The following ZNF577 variants were observed in gnomAD, a reference collection of about 807,000 sequenced individuals.
ZNF577 encodes zinc finger protein 577.
In ZNF577, 14 loss-of-function variants were observed where a neutral mutation model predicts 13.9. The ratio of observed to expected loss-of-function variants is 1.00; its 90% confidence interval spans 0.66 to 1.57. ZNF577 has a LOEUF of 1.57. Among genes scored for constraint, ZNF577 ranks in the 40% most tolerant of loss-of-function variants. The probability of loss-of-function intolerance (pLI) is 0.00; values close to 1 mark genes in which losing one functional copy is unlikely to be tolerated. For missense variants in ZNF577, 555 were observed against 579.2 expected, an observed-to-expected ratio of 0.96 and a Z score of 0.43; for synonymous variants, 203 against 202.9, an observed-to-expected ratio of 1.00 and a Z score of 0.00.
rs2084206637 is a variant in ZNF577, at chr19:51,823,606, A to G, written c.*600-11932T>C. On this transcript the variant is annotated intron_variant and NMD_transcript_variant, in intron 9 of 10. Coordinates refer to the ZNF577 transcript ENST00000638827. ...GGAACTCCGAGAGAGTGCCAATTTT[A>G]TGTTATAACCATTCACAAGGCTCAC... The G allele has an allele frequency of 4.3e-6, 3 of 691,858 alleles. No homozygotes were observed. The East Asian group carries it at 8.2e-5, about 19-fold the overall frequency. 42.9% of individuals were successfully genotyped at this position (691,858 alleles called of 1,614,324 possible).
In ZNF577 at chr19:51,867,365, A is replaced by C. The variant is rs373622799; in HGVS notation, c.*5167T>G. 6.6e-6 allele frequency among the ~76,000 whole-genome samples: 1 copy of C among 152,190 alleles called. No individual in the cohort carries two copies. Among genetic ancestry groups the C allele is most frequent in the African/African-American group, 2.4e-5 (1 of 41,452 alleles). On this transcript the variant is annotated 3_prime_UTR_variant, in exon 6 of 6. Coordinates refer to ENST00000638348, the MANE Select transcript of ZNF577 (RefSeq NM_001370449.1). ...TAGATATTGTCTTTTCTGATTCTGAACATCGGACAAAAGATCTCTTTTCAA... is the reference window on the plus strand; with the variant it reads ...TAGATATTGTCTTTTCTGATTCTGACCATCGGACAAAAGATCTCTTTTCAA...
At chr19:51,881,661 T>C (rs909336645) in intron 1 of ZNF577, among the ~76,000 whole-genome samples, 1 of 152,130 alleles carries the variant, frequency 6.6e-6, no homozygotes, top group Admixed American at 6.5e-5. Flanking sequence ...CTACCCACTT[T>C]TAGAACTTTA....
At chr19:51,844,087 C>T (rs1330000434) in intron 6 of ZNF577, among the ~76,000 whole-genome samples, 3 of 140,888 alleles carry the variant, frequency 2.1e-5, no homozygotes, top group Non-Finnish European at 3.0e-5. Flanking sequence ...AAGTAAGTTA[C>T]GGTCAGAATT....
chr19:51,870,062 G>C lies in ZNF577; in HGVS notation c.*2470C>G, dbSNP rs566733252. ...TCCCTGGGAGGATTAACATCCTAGG[G>C]GCATTGGGTCCAGTGCGTAGACTGA... On this transcript the variant is annotated 3_prime_UTR_variant, in exon 6 of 6. Coordinates refer to ENST00000638348, the MANE Select transcript of ZNF577 (RefSeq NM_001370449.1). 3.3e-5 allele frequency among the ~76,000 whole-genome samples: 5 copies of C among 152,186 alleles called. No homozygotes were observed. The highest frequency in any genetic ancestry group is 7.3e-5 in the Non-Finnish European group (5 of 68,038).
At chr19:51,884,381 T>TA (rs2084910492) in intron 1 of ZNF577, among the ~76,000 whole-genome samples, 1 of 152,198 alleles carries the variant, frequency 6.6e-6, no homozygotes, top group African/African-American at 2.4e-5. Flanking sequence ...GTCTCCAGAC[T>TA]AAAACAAAAG....
chr19:51,830,889 T>A (rs2084257886), intron 9 of ZNF577, among the ~76,000 whole-genome samples: 1 of 152,080 alleles, frequency 6.6e-6, no homozygotes, highest in South Asian at 2.1e-4. Context: ...TAAACATCCA[T>A]CATAATCCAC....
chr19:51,833,059 T>G (rs1219848030), intron 9 of ZNF577, among the ~76,000 whole-genome samples: 1 of 152,246 alleles, frequency 6.6e-6, no homozygotes, highest in African/African-American at 2.4e-5. Flanking sequence ...TCACATTGAA[T>G]CTATGGATTT....
At chr19:51,812,578 C>G (rs942050090) in intron 9 of ZNF577, among the ~76,000 whole-genome samples, 1 of 152,222 alleles carries the variant, frequency 6.6e-6, no homozygotes, top group African/African-American at 2.4e-5. Context: ...TTGCCTCCAC[C>G]TCTGAAGAAA....
At chr19:51,881,374 A>G (rs1568450609) in intron 1 of ZNF577, among the ~76,000 whole-genome samples, 2 of 151,962 alleles carry the variant, frequency 1.3e-5, no homozygotes, top group South Asian at 4.1e-4. Flanking sequence ...CACCACCGGC[A>G]GCCACATGCT....
At chr19:51,862,326 A>C (rs752661173), downstream of ZNF577, 1 of 152,528 alleles carries the variant, frequency 6.6e-6, no homozygotes, top group Non-Finnish European at 1.5e-5. Context: ...TCCTTACTGC[A>C]TGATGAGTTT....
chr19:51,804,570 C>T (rs894094456), downstream of ZNF577, among the ~76,000 whole-genome samples: 1 of 152,122 alleles, frequency 6.6e-6, no homozygotes, highest in Non-Finnish European at 1.5e-5. Flanking sequence ...TAAAAAGGCA[C>T]TGATTTGGTT....
chr19:51,864,885 AG>A (rs1452532717), downstream of ZNF577, among the ~76,000 whole-genome samples: 1 of 152,182 alleles, frequency 6.6e-6, no homozygotes, highest in African/African-American at 2.4e-5. Flanking sequence ...CTTTGGGAGA[AG>A]GAGATGCCCA....
downstream of ZNF577, among the ~76,000 whole-genome samples, chr19:51,866,992 GA>G (rs971925958): frequency 3.8e-5 from 5 of 130,070 alleles, no homozygotes; most frequent in Non-Finnish European, 7.6e-5. Flanking sequence ...GAGAGAGAGA[GA>G]AAAGGAAGAA....
In ZNF577 at chr19:51,872,308, CTTT is replaced by C. The variant is rs2084671561; in HGVS notation, c.*221_*223del. The C allele has an allele frequency of 2.3e-6, 1 of 426,630 alleles. No homozygotes were observed. The highest frequency in any genetic ancestry group is 4.2e-6 in the Non-Finnish European group (1 of 240,656). 26.4% of individuals were successfully genotyped at this position (426,630 alleles called of 1,614,324 possible). On this transcript the variant is annotated 3_prime_UTR_variant, in exon 6 of 6. Coordinates refer to ENST00000638348, the MANE Select transcript of ZNF577 (RefSeq NM_001370449.1). Reference sequence around the variant, plus strand: ...TTTCATAAATATTCCTGTAAGAATTCTTTTGATACCAATTGAGATATCATCTCC... The same window carrying C: ...TTTCATAAATATTCCTGTAAGAATTCTGATACCAATTGAGATATCATCTCC...
At chr19:51,841,705 G>C (rs568787859) in intron 8 of ZNF577, among the ~76,000 whole-genome samples, 1 of 152,216 alleles carries the variant, frequency 6.6e-6, no homozygotes, top group East Asian at 1.9e-4. Flanking sequence ...GATCACCTGG[G>C]GTCAGGAGTT....
chr19:51,804,766 A>C (rs1024939721), downstream of ZNF577: 1 of 152,208 alleles, frequency 6.6e-6, no homozygotes, highest in Non-Finnish European at 1.5e-5. Context: ...GGTGGACTGA[A>C]CAAAGGGGGG....
intron 9 of ZNF577, among the ~76,000 whole-genome samples, chr19:51,839,106 C>T (rs185512144): frequency 6.6e-6 from 1 of 152,252 alleles, no homozygotes; most frequent in East Asian, 1.9e-4. Flanking sequence ...AAAGGAGATA[C>T]CATCATTTTT....
At chr19:51,879,909 G>T (rs1376601975) in intron 3 of ZNF577, among the ~76,000 whole-genome samples, 1 of 152,138 alleles carries the variant, frequency 6.6e-6, no homozygotes, top group Non-Finnish European at 1.5e-5. Flanking sequence ...AGTTAAGAAG[G>T]TAAGAAAGAA....
chr19:51,856,730 G>A (rs3752123), intron 5 of ZNF577, among the ~76,000 whole-genome samples: 50,362 of 151,842 alleles, frequency 0.33, 8,690 homozygotes, highest in South Asian at 0.53. Context: ...CTTGGTGCTC[G>A]GGGACCTTGA....
Sources: gnomAD v4.1 joint callset for allele counts (sites outside exome capture counted in the v4.1 genomes callset) on GRCh38, gnomAD v4.1.1 for gene constraint, MANE v1.5 for transcripts, NCBI Gene and HGNC (gene_info 2026-07-23, HGNC 2026-07-21) for gene names.